The following LINGO2 variants were observed in gnomAD, a reference collection of about 807,000 sequenced individuals.
The protein encoded by LINGO2 is leucine-rich repeat and immunoglobulin-like domain-containing nogo receptor-interacting protein 2.
In LINGO2, 14 loss-of-function variants were observed where a neutral mutation model predicts 30.6. The observed-to-expected ratio is 0.46, with a 90% CI of 0.30 to 0.72. The LOEUF is 0.72. Ranked by LOEUF, LINGO2 falls within the 30% of genes least tolerant of loss-of-function variation. LINGO2 has a pLI of 0.07. For synonymous variants in LINGO2, 317 were observed against 288.5 expected, an observed-to-expected ratio of 1.10 and a Z score of -1.00; for missense variants, 729 against 751.7, an observed-to-expected ratio of 0.97 and a Z score of 0.35.
chr9:29,032,252 A>C, the LINGO2 span, among the ~76,000 whole-genome samples: 1 of 152,168 alleles, frequency 6.6e-6, no homozygotes, highest in African/African-American at 2.4e-5. Context: ...AGGAAAGTCA[A>C]GTGTTTATTT....
chr9:28,563,775 A>T (rs1823223178), intron 1 of LINGO2, among the ~76,000 whole-genome samples: 1 of 152,276 alleles, frequency 6.6e-6, no homozygotes, highest in South Asian at 2.1e-4. Context: ...ATTTTGGCTA[A>T]CATACTAGGC....
the LINGO2 span, among the ~76,000 whole-genome samples, chr9:28,971,127 C>G: frequency 6.6e-6 from 1 of 152,232 alleles, no homozygotes; most frequent in East Asian, 1.9e-4. Context: ...CCAGACGCAC[C>G]CTGGGCAAGA....
chr9:28,168,483 T>G (rs1451947465), intron 4 of LINGO2, among the ~76,000 whole-genome samples: 1 of 152,216 alleles, frequency 6.6e-6, no homozygotes, highest in East Asian at 1.9e-4. Context: ...AGTACCAACT[T>G]CATGTGTTTG....
intron 3 of LINGO2, among the ~76,000 whole-genome samples, chr9:28,361,031 A>T (rs190069654): frequency 6.5e-4 from 99 of 152,314 alleles, no homozygotes; most frequent in African/African-American, 2.3e-3. Context: ...ATAAAAAATT[A>T]ATGCATTTTA....
At chr9:28,737,165 A>T in the LINGO2 span, among the ~76,000 whole-genome samples, 1 of 152,286 alleles carries the variant, frequency 6.6e-6, no homozygotes, top group African/African-American at 2.4e-5. Context: ...TCTTGAATAG[A>T]AAAGGTCATA....
chr9:28,952,362 C>A, the LINGO2 span, among the ~76,000 whole-genome samples: 1 of 152,122 alleles, frequency 6.6e-6, no homozygotes, highest in Non-Finnish European at 1.5e-5. Context: ...GTTTTTTCAT[C>A]TATAAATGGA....
chr9:28,038,223 G>A (rs988889938), intron 4 of LINGO2, among the ~76,000 whole-genome samples: 3 of 84,654 alleles, frequency 3.5e-5, no homozygotes, highest in African/African-American at 1.3e-4. Context: ...CAGTTATCAT[G>A]GTTCATTTAA....
At chr9:28,355,360 CCTCTGTGTGTGT>C (rs1820151450) in intron 3 of LINGO2, among the ~76,000 whole-genome samples, 1 of 85,650 alleles carries the variant, frequency 1.2e-5, no homozygotes, top group East Asian at 4.0e-4. Context: ...TCTCTCCCTC[CCTCTGTGTGTGT>C]GTGTGTGTGT....
the LINGO2 span, among the ~76,000 whole-genome samples, chr9:28,682,618 G>A: frequency 6.6e-6 from 1 of 151,966 alleles, no homozygotes; most frequent in Admixed American, 6.6e-5. Flanking sequence ...GTAGTCACAA[G>A]TCTATATATT....
At chr9:28,066,584 A>C (rs1825320698) in intron 4 of LINGO2, among the ~76,000 whole-genome samples, 1 of 152,080 alleles carries the variant, frequency 6.6e-6, no homozygotes, top group Non-Finnish European at 1.5e-5. Context: ...TAGGCTCAAG[A>C]GTCCTGGGTT....
At chr9:29,177,354 G>A in the LINGO2 span, among the ~76,000 whole-genome samples, 1 of 152,154 alleles carries the variant, frequency 6.6e-6, no homozygotes, top group Non-Finnish European at 1.5e-5. Flanking sequence ...CTGAAGTTTA[G>A]AGAAGTTAAT....
intron 2 of LINGO2, among the ~76,000 whole-genome samples, chr9:28,401,894 G>C (rs1822282949): frequency 6.6e-6 from 1 of 152,072 alleles, no homozygotes; most frequent in Admixed American, 6.5e-5. Context: ...CAGTGATGTT[G>C]AGCTTTTTTT....
chr9:28,719,392 C>T, the LINGO2 span, among the ~76,000 whole-genome samples: 1 of 151,994 alleles, frequency 6.6e-6, no homozygotes, highest in Admixed American at 6.6e-5. Flanking sequence ...CCACTTTCTT[C>T]CCATTCACTC....
intron 1 of LINGO2, among the ~76,000 whole-genome samples, chr9:28,485,432 C>T (rs1322862097): frequency 3.3e-5 from 5 of 151,914 alleles, no homozygotes; most frequent in Non-Finnish European, 7.4e-5. Flanking sequence ...TAATATGCTA[C>T]AATTTAAAGT....
the LINGO2 span, among the ~76,000 whole-genome samples, chr9:28,987,050 A>G: frequency 8.3e-6 from 1 of 120,250 alleles, no homozygotes; most frequent in Admixed American, 8.1e-5. Context: ...ATATTATTGT[A>G]TTTGTTTATA....
chr9:28,124,130 T>C (rs927771735), intron 4 of LINGO2, among the ~76,000 whole-genome samples: 3 of 152,200 alleles, frequency 2.0e-5, no homozygotes, highest in East Asian at 1.9e-4. Context: ...TTAAAGACAA[T>C]TGGTCTATTC....
chr9:28,716,172 AC>A, the LINGO2 span, among the ~76,000 whole-genome samples: 9 of 151,818 alleles, frequency 5.9e-5, no homozygotes, highest in African/African-American at 9.7e-5. Context: ...AAAAAAAAAA[AC>A]AACATAAACA....
chr9:28,302,354 GA>G (rs1417187530), intron 3 of LINGO2, among the ~76,000 whole-genome samples: 1 of 152,230 alleles, frequency 6.6e-6, no homozygotes, highest in Non-Finnish European at 1.5e-5. Flanking sequence ...ACCATTTCCT[GA>G]TGGGATGTAG....
intron 5 of LINGO2, among the ~76,000 whole-genome samples, chr9:27,995,487 A>T (rs1821615033): frequency 6.6e-6 from 1 of 152,168 alleles, no homozygotes; most frequent in Non-Finnish European, 1.5e-5. Flanking sequence ...CCTAAACAAA[A>T]TATTAGCAAA....
Sources: allele counts gnomAD v4.1 joint callset (sites outside exome capture counted in the v4.1 genomes callset), GRCh38; gene constraint gnomAD v4.1.1; transcripts MANE v1.5; gene names NCBI Gene and HGNC (gene_info 2026-07-23, HGNC 2026-07-21).